The following PHF3 variants were observed in gnomAD, a reference collection of about 807,000 sequenced individuals.
PHF3 encodes PHD finger protein 3.
A neutral mutation model predicts 178.4 loss-of-function variants in PHF3; 41 were observed. That is an observed-to-expected ratio of 0.23 (90% CI 0.18 to 0.30). PHF3 has a LOEUF of 0.30. Ranked by LOEUF, PHF3 falls within the 10% of genes least tolerant of loss-of-function variation. The pLI is 1.00. For missense variants in PHF3, 2,346 were observed against 2,398.1 expected (o/e 0.98, Z 0.45); for synonymous variants, 842 against 800.5 (o/e 1.05, Z -0.88).
At chr6:63,677,683 T>C (rs924921754) in intron 2 of PHF3, among the ~76,000 whole-genome samples, 6 of 152,182 alleles carry the variant, frequency 3.9e-5, no homozygotes, top group East Asian at 1.9e-4. Flanking sequence ...GTAGAATACA[T>C]GCTCATTATA....
intron 14 of PHF3, among the ~76,000 whole-genome samples, chr6:63,709,937 T>C (rs753375866): frequency 1.3e-5 from 2 of 152,202 alleles, no homozygotes; most frequent in Non-Finnish European, 2.9e-5. Context: ...TTTTAACTTA[T>C]AGAATATTAC....
chr6:63,665,673 G>C (rs1765654713), intron 2 of PHF3, among the ~76,000 whole-genome samples: 2 of 151,694 alleles, frequency 1.3e-5, no homozygotes. Context: ...TTTTTTAGTA[G>C]AGACGGGGCT....
intron 3 of PHF3, among the ~76,000 whole-genome samples, chr6:63,680,461 G>A (rs1409957838): frequency 1.7e-5 from 2 of 120,854 alleles, no homozygotes; most frequent in African/African-American, 6.4e-5. Context: ...TGCATATGTT[G>A]CTGTTTTTTG....
At chr6:63,646,838 T>C in intron 2 of PHF3, 43 bp downstream of exon 2, 1 of 1,269,034 alleles carries the variant, frequency 7.9e-7, no homozygotes, top group Middle Eastern at 2.8e-4. Context: ...TAGTCTGCAA[T>C]TTAAAATAAA....
intron 2 of PHF3, among the ~76,000 whole-genome samples, chr6:63,654,021 G>T (rs976256326): frequency 7.9e-5 from 12 of 152,100 alleles, no homozygotes; most frequent in Admixed American, 6.6e-4. Flanking sequence ...TGTGCTGCTG[G>T]ATTCAGTTTG....
Position 63,635,909 on chromosome 6 carries a change from C to T in PHF3, c.-267C>T, listed in dbSNP as rs934110012. ...CCGTCCCCACGCGGCAAGCGACCTT[C>T]GGGCTCAGGGCGGCGGCGGCTGCAA... On this transcript the variant is annotated 5_prime_UTR_variant, in exon 1 of 16. Coordinates refer to ENST00000262043, the MANE Select transcript of PHF3 (RefSeq NM_001370348.2). The T allele has an allele frequency of 7.5e-6, 3 of 397,982 alleles. No homozygotes were observed. The allele number at this position is 397,982 out of a possible 1,614,324, so 24.7% of individuals were successfully genotyped here.
At chr6:63,689,885 A>G (rs1766921070) in intron 4 of PHF3, among the ~76,000 whole-genome samples, 1 of 152,182 alleles carries the variant, frequency 6.6e-6, no homozygotes. Context: ...CTTGCTTTGA[A>G]GAAATCTTAA....
rs1767991264 is a variant in PHF3, at chr6:63,712,489, A to G, written c.4901A>G (p.Asn1634Ser). 12 of 1,613,754 alleles carry G rather than the reference A, an allele frequency of 7.4e-6. No individual in the cohort carries two copies. The highest frequency in any genetic ancestry group is 1.0e-5 in the Non-Finnish European group (12 of 1,179,924). Residue 1634 changes from asparagine to serine, a missense_variant, in exon 16 of 16, where the codon AAC (asparagine) becomes AGC (serine). Around this residue, in one of 8 missense-constraint regions of PHF3, gnomAD observed 839 missense variants for 806.9 expected, o/e 1.04. Coordinates refer to ENST00000262043, the MANE Select transcript of PHF3 (RefSeq NM_001370348.2). The part of the protein sequence containing the change: ...NIDGNVSCSE[N>S]LVANTARSPQ... ...GATGGTAATGTGAGCTGTAGTGAAAACCTTGTTGCTAATACAGCGAGGTCT... is the reference window on the plus strand; with the variant it reads ...GATGGTAATGTGAGCTGTAGTGAAAGCCTTGTTGCTAATACAGCGAGGTCT...
chr6:63,650,216 G>T (rs1194754138), intron 2 of PHF3, among the ~76,000 whole-genome samples: 1 of 152,180 alleles, frequency 6.6e-6, no homozygotes, highest in East Asian at 1.9e-4. Context: ...ATCTGCTACT[G>T]TAGGTTACTA....
At position 63,699,684 on chromosome 6, in the gene PHF3, G is replaced by A. The variant is rs145318487; in HGVS notation, c.2983-666G>A. ...TCAGCTCACTGCAGCCTCCACTCCCGGGTTCAGATGATTGTCCTGCCTCAG... is the reference window on the plus strand; with the variant it reads ...TCAGCTCACTGCAGCCTCCACTCCCAGGTTCAGATGATTGTCCTGCCTCAG... On this transcript the variant is annotated intron_variant, in intron 8 of 15. Coordinates refer to ENST00000262043, the MANE Select transcript of PHF3 (RefSeq NM_001370348.2). Among the ~76,000 whole-genome samples, 11 of 152,124 alleles carry A rather than the reference G, an allele frequency of 7.2e-5. 1 individual carries two copies. The East Asian group carries it at 2.1e-3, about 29-fold the overall frequency.
At position 63,693,996 on chromosome 6, in the gene PHF3, C is replaced by A. The variant is rs143815189; in HGVS notation, c.2497-585C>A. On this transcript the variant is annotated intron_variant, in intron 5 of 15. Transcript: ENST00000262043. ...AGGATTCTTAGTCTAGAGAAAAGCA[C>A]TATTTTGATTGTACCCTATTTTAAA... Among the ~76,000 whole-genome samples the A allele has an allele frequency of 1.4e-3, 217 of 152,294 alleles. 1 individual carries two copies. The South Asian group carries it at 0.018, about 13-fold the overall frequency.
In PHF3 at chr6:63,722,283, A is replaced by T. The variant is rs151314427; in HGVS notation, c.*8575A>T. 6.6e-6 allele frequency among the ~76,000 whole-genome samples: 1 copy of T among 152,190 alleles called. No individual in the cohort carries two copies. The highest frequency in any genetic ancestry group is 1.9e-4 in the East Asian group (1 of 5,184). On this transcript the variant is annotated 3_prime_UTR_variant, in exon 16 of 16. Transcript: ENST00000262043. ...GATTTCATTCGCCTGTTTTCTAGGA[A>T]CACTCCGCCACCCCATTCCACCTCA...
intron 2 of PHF3, among the ~76,000 whole-genome samples, chr6:63,664,064 TC>T (rs1374863921): frequency 6.6e-6 from 1 of 152,292 alleles, no homozygotes; most frequent in East Asian, 1.9e-4. Context: ...AAATAGGAAT[TC>T]CAGTAAATGA....
rs551538111 is a variant in PHF3 at position 63,665,299 on chromosome 6, C to T, written c.245-14701C>T. ...CACATCTACTTAGAAAAGGCCAGCA[C>T]GTTTCTAACACTTGTCTCATTTGTA... On this transcript the variant is annotated intron_variant, in intron 2 of 15. Coordinates refer to ENST00000262043, the MANE Select transcript of PHF3 (RefSeq NM_001370348.2). Among the ~76,000 whole-genome samples, 6 of 152,052 alleles carry T rather than the reference C, an allele frequency of 3.9e-5. No individual in the cohort carries two copies. The East Asian group carries it at 7.7e-4, about 20-fold the overall frequency.
intron 3 of PHF3, among the ~76,000 whole-genome samples, chr6:63,682,767 A>G (rs1358945263): frequency 6.6e-6 from 1 of 152,138 alleles, no homozygotes; most frequent in Non-Finnish European, 1.5e-5. Flanking sequence ...ATTGCTTCCT[A>G]TTGGAAAACC....
chr6:63,641,421 A>G (rs1202513178), intron 1 of PHF3, among the ~76,000 whole-genome samples: 2 of 151,816 alleles, frequency 1.3e-5, no homozygotes, highest in East Asian at 1.9e-4. Flanking sequence ...CCACCCCCCT[A>G]CACACACACC....
intron 1 of PHF3, 199 bp downstream of exon 1, chr6:63,636,349 G>GC (rs924547219): frequency 1.2e-5 from 2 of 161,106 alleles, no homozygotes; most frequent in African/African-American, 4.8e-5. Flanking sequence ...CGCCGCTGGC[G>GC]CCTGTGGACC....
chr6:63,645,284 C>G (rs1245407520), intron 1 of PHF3, among the ~76,000 whole-genome samples: 1 of 152,194 alleles, frequency 6.6e-6, no homozygotes, highest in Admixed American at 6.5e-5. Context: ...AGCTTGAAAC[C>G]CAGGCTAGAA....
rs764198932 is a variant in PHF3 at position 63,712,229 on chromosome 6, C to T, written c.4641C>T (p.Ser1547=). Residue 1547 remains serine, a synonymous_variant, in exon 16 of 16, where the codon TCC becomes TCT. Coordinates refer to ENST00000262043, the MANE Select transcript of PHF3 (RefSeq NM_001370348.2). ...SAEIETSVVG[S]SSISAGSLTS... ...AAATAGAAACATCAGTAGTAGGGTCCTCTTCCATTTCTGCAGGGTCTTTGA... is the reference window on the plus strand; with the variant it reads ...AAATAGAAACATCAGTAGTAGGGTCTTCTTCCATTTCTGCAGGGTCTTTGA... The T allele has an allele frequency of 1.2e-6, 2 of 1,614,014 alleles. No individual in the cohort carries two copies. Among genetic ancestry groups the T allele is most frequent in the Non-Finnish European group, 1.7e-6 (2 of 1,179,932 alleles).
Sources: allele counts gnomAD v4.1 joint callset (sites outside exome capture counted in the v4.1 genomes callset), GRCh38; gene constraint gnomAD v4.1.1; regional missense constraint gnomAD v4.1.1; transcripts MANE v1.5; gene names NCBI Gene and HGNC (gene_info 2026-07-23, HGNC 2026-07-21).